Variants in ALK observed in about 807,000 individuals in gnomAD.
ALK encodes ALK receptor tyrosine kinase, also known as ALK tyrosine kinase receptor.
In ALK, 74 loss-of-function variants were observed where a neutral mutation model predicts 163.1. That is an observed-to-expected ratio of 0.45 (90% confidence interval 0.38 to 0.55). The LOEUF (loss-of-function observed/expected upper bound fraction) is 0.55, where lower values mean the gene tolerates loss of function less well. ALK is among the 20% of genes least tolerant of loss of function. The pLI is 0.00. For synonymous variants in ALK, 960 were observed against 843.2 expected (o/e 1.14, Z -2.40); for missense variants, 2,063 against 2,105.3 (o/e 0.98, Z 0.39).
intron 1 of ALK, among the ~76,000 whole-genome samples, chr2:29,905,803 G>A (rs1233185020): frequency 2.0e-5 from 3 of 152,138 alleles, no homozygotes; most frequent in Admixed American, 6.5e-5. Flanking sequence ...GGCAGGATGC[G>A]AGGAATGGAA....
chr2:29,612,040 A>C (rs1675707316), intron 3 of ALK, among the ~76,000 whole-genome samples: 1 of 152,136 alleles, frequency 6.6e-6, no homozygotes, highest in African/African-American at 2.4e-5. Flanking sequence ...ACAGATCCAG[A>C]CAGGGTGACT....
intron 1 of ALK, among the ~76,000 whole-genome samples, chr2:29,787,783 A>C (rs1664076382): frequency 6.6e-6 from 1 of 152,214 alleles, no homozygotes; most frequent in South Asian, 2.1e-4. Flanking sequence ...AATGATGCTG[A>C]AAATGTGGGT....
intron 12 of ALK, among the ~76,000 whole-genome samples, chr2:29,247,589 G>A (rs1368827772): frequency 6.6e-6 from 1 of 152,210 alleles, no homozygotes; most frequent in Non-Finnish European, 1.5e-5. Context: ...GTGGAGGTGG[G>A]CAAAGCTGTA....
At chr2:29,218,136 C>T (rs1444880274) in intron 23 of ALK, among the ~76,000 whole-genome samples, 4 of 152,174 alleles carry the variant, frequency 2.6e-5, no homozygotes, top group South Asian at 2.1e-4. Flanking sequence ...CATTTGAAAT[C>T]GGCCAAGGAT....
rs114751201 is a variant in ALK, at chr2:29,886,425, T to C, written c.667+33568A>G. ...AGAATAATCCATCATGCATGTGTAG[T>C]ACCCTGGCCCTATACCTATCTATTT... On this transcript the variant is annotated intron_variant, in intron 1 of 28. Transcript: ENST00000389048. Among the ~76,000 whole-genome samples, 519 of 152,390 alleles carry C rather than the reference T, an allele frequency of 3.4e-3. 4 individuals carry two copies. Among genetic ancestry groups the C allele is most frequent in the Non-Finnish European group, 5.8e-3 (393 of 68,044 alleles).
intron 12 of ALK, among the ~76,000 whole-genome samples, chr2:29,248,848 A>G (rs1280008704): frequency 6.6e-6 from 1 of 152,262 alleles, no homozygotes; most frequent in African/African-American, 2.4e-5. Context: ...TTTTCAGAAT[A>G]CAGGGCTCAT....
At chr2:29,719,467 G>C (rs1024351813) in intron 1 of ALK, among the ~76,000 whole-genome samples, 1 of 152,218 alleles carries the variant, frequency 6.6e-6, no homozygotes, top group Non-Finnish European at 1.5e-5. Flanking sequence ...TCAGAGAAGT[G>C]AATGCAAAGC....
intron 4 of ALK, among the ~76,000 whole-genome samples, chr2:29,387,533 C>G (rs1360075930): frequency 1.3e-5 from 2 of 152,104 alleles, no homozygotes; most frequent in Admixed American, 1.3e-4. Flanking sequence ...CGTGGATTTG[C>G]GTGGGCTTGG....
intron 3 of ALK, among the ~76,000 whole-genome samples, chr2:29,588,815 A>T (rs957163621): frequency 6.6e-6 from 1 of 152,240 alleles, no homozygotes; most frequent in Non-Finnish European, 1.5e-5. Context: ...GTCACAAAAT[A>T]GTTTTCTTCT....
intron 3 of ALK, among the ~76,000 whole-genome samples, chr2:29,614,777 C>A (rs189210653): frequency 6.6e-6 from 1 of 152,266 alleles, no homozygotes; most frequent in East Asian, 1.9e-4. Flanking sequence ...AGAATCCCCC[C>A]ATCCCTGATG....
At chr2:29,801,620 T>G (rs909027117) in intron 1 of ALK, among the ~76,000 whole-genome samples, 19 of 152,368 alleles carry the variant, frequency 1.2e-4, no homozygotes, top group Admixed American at 3.3e-4. Context: ...TGTTTTTCAC[T>G]TAACTTTTTT....
chr2:29,373,187 T>A (rs1558698961), intron 5 of ALK, among the ~76,000 whole-genome samples: 1 of 152,202 alleles, frequency 6.6e-6, no homozygotes, highest in African/African-American at 2.4e-5. Context: ...AATTGCACAT[T>A]GAATACTAAG....
At chr2:29,886,966 C>A (rs932098901) in intron 1 of ALK, among the ~76,000 whole-genome samples, 2 of 152,166 alleles carry the variant, frequency 1.3e-5, no homozygotes, top group African/African-American at 2.4e-5. Flanking sequence ...AATATTTTAA[C>A]CCACCCAAGC....
chr2:29,634,063 T>G (rs975211917), intron 3 of ALK, among the ~76,000 whole-genome samples: 8 of 151,820 alleles, frequency 5.3e-5, no homozygotes, highest in Non-Finnish European at 8.8e-5. Context: ...AGAGAAAGAG[T>G]CTCACTATGT....
At chr2:29,895,930 C>G (rs1437850210) in intron 1 of ALK, among the ~76,000 whole-genome samples, 1 of 152,176 alleles carries the variant, frequency 6.6e-6, no homozygotes, top group Non-Finnish European at 1.5e-5. Context: ...CTGGTCTTCC[C>G]TACATTCCCC....
At chr2:29,736,209 C>T (rs1458786766) in intron 1 of ALK, among the ~76,000 whole-genome samples, 1 of 151,988 alleles carries the variant, frequency 6.6e-6, no homozygotes, top group Non-Finnish European at 1.5e-5. Context: ...ACATTATATG[C>T]TTGGAAAATT....
chr2:29,474,074 C>T (rs1268665136), intron 4 of ALK, among the ~76,000 whole-genome samples: 1 of 152,088 alleles, frequency 6.6e-6, no homozygotes, highest in African/African-American at 2.4e-5. Context: ...AAGTAAACAT[C>T]CAAAAGAAAT....
intron 3 of ALK, among the ~76,000 whole-genome samples, chr2:29,625,372 G>A (rs1241214581): frequency 1.3e-5 from 2 of 152,186 alleles, no homozygotes; most frequent in Non-Finnish European, 2.9e-5. Flanking sequence ...ATGTATATGT[G>A]CGCATTTTCC....
chr2:29,674,193 C>G (rs1031406751), intron 3 of ALK, among the ~76,000 whole-genome samples: 4 of 151,712 alleles, frequency 2.6e-5, no homozygotes, highest in African/African-American at 7.3e-5. Flanking sequence ...TTGCCCTGGC[C>G]AGAACTTCCA....
Sources: allele counts gnomAD v4.1 joint callset (sites outside exome capture counted in the v4.1 genomes callset), GRCh38; gene constraint gnomAD v4.1.1; transcripts MANE v1.5; gene names NCBI Gene and HGNC (gene_info 2026-07-23, HGNC 2026-07-21).